The following CLMN variants were observed in gnomAD, a reference collection of about 807,000 sequenced individuals.
CLMN encodes the protein calmin.
In CLMN, 57 loss-of-function variants were observed where a neutral mutation model predicts 92.7. That is an observed-to-expected ratio of 0.61 (90% CI 0.50 to 0.77). The LOEUF (loss-of-function observed/expected upper bound fraction) is 0.77, where lower values mean the gene tolerates loss of function less well. Ranked by LOEUF, CLMN falls within the 30% of genes least tolerant of loss-of-function variation. CLMN has a pLI of 0.00. For missense variants in CLMN, 1,158 were observed against 1,237.5 expected (o/e 0.94, Z 0.96); for synonymous variants, 466 against 470.6 (o/e 0.99, Z 0.13).
intron 1 of CLMN, among the ~76,000 whole-genome samples, chr14:95,270,139 G>A (rs1032855021): frequency 6.6e-5 from 10 of 152,244 alleles, no homozygotes; most frequent in Middle Eastern, 3.4e-3. Context: ...CTCCTCCCAC[G>A]ATGTGCCATG....
At chr14:95,204,968 TA>T (rs1897006979) in intron 8 of CLMN, among the ~76,000 whole-genome samples, 1 of 152,196 alleles carries the variant, frequency 6.6e-6, no homozygotes, top group South Asian at 2.1e-4. Flanking sequence ...ATTTTCTTCA[TA>T]TACTAATTAG....
chr14:95,202,827 C>T lies in CLMN; in HGVS notation c.2511+11G>A, dbSNP rs200222218. 91 of 1,511,412 alleles carry T rather than the reference C, an allele frequency of 6.0e-5. No individual in the cohort carries two copies. In the Admixed American group the frequency reaches 8.5e-4, roughly 14 times the overall value. 93.6% of individuals were successfully genotyped at this position (1,511,412 alleles called of 1,614,324 possible). A position where few individuals can be genotyped will look rare whatever the true frequency, so the allele number is the denominator to read the frequency against. On this transcript the variant is annotated intron_variant, in intron 9 of 12. Transcript: ENST00000298912. ...CAGGACCCAGGGTTCCCAAATCCCA[C>T]GGTTGAGTACCTGATGGCTGTCCAT... is the stretch of plus-strand genomic sequence containing the variant.
rs544642723 is a variant in CLMN at position 95,249,380 on chromosome 14, C to T, written c.83-19247G>A. On this transcript the variant is annotated intron_variant, in intron 1 of 12. Transcript: ENST00000298912. ...GGAAACTGGCACAGTCCTGCCCGATCCTGGACTTTGCACCCTAGCTGCAAT... is the reference window on the plus strand; with the variant it reads ...GGAAACTGGCACAGTCCTGCCCGATTCTGGACTTTGCACCCTAGCTGCAAT... Among the ~76,000 whole-genome samples, 3 of 152,312 alleles carry T rather than the reference C, an allele frequency of 2.0e-5. No homozygotes were observed. In the South Asian group the frequency reaches 6.2e-4, roughly 32 times the overall value.
Position 95,319,819 on chromosome 14 carries a change from A to C in CLMN, c.-27T>G, listed in dbSNP as rs747102813. On this transcript the variant is annotated 5_prime_UTR_variant, in exon 1 of 13. Coordinates refer to ENST00000298912, the MANE Select transcript of CLMN (RefSeq NM_024734.4). ...AAGCGCGGGCGGGAGAGCCCGGGCC[A>C]GCGCGGCGCGGGCGGCGGGCGCGGA... The C allele has an allele frequency of 7.6e-7, 1 of 1,318,966 alleles. No homozygotes were observed. The highest frequency in any genetic ancestry group is 2.1e-5 in the South Asian group (1 of 48,724). The allele number at this position is 1,318,966 out of a possible 1,614,324, so 81.7% of individuals were successfully genotyped here. A position where few individuals can be genotyped will look rare whatever the true frequency, so the allele number is the denominator to read the frequency against.
chr14:95,257,555 T>C (rs111919456), intron 1 of CLMN, among the ~76,000 whole-genome samples: 16,882 of 152,306 alleles, frequency 0.11, 1,264 homozygotes, highest in African/African-American at 0.2. Flanking sequence ...CAAGCTTGCA[T>C]TTCTGAAGCC....
intron 1 of CLMN, among the ~76,000 whole-genome samples, chr14:95,236,271 G>A (rs925897648): frequency 3.3e-5 from 5 of 152,198 alleles, no homozygotes; most frequent in African/African-American, 4.8e-5. Flanking sequence ...GTTCTGCAGC[G>A]TCCTGGGGGC....
intron 9 of CLMN, among the ~76,000 whole-genome samples, chr14:95,198,156 T>C (rs1340796831): frequency 1.3e-5 from 2 of 151,166 alleles, no homozygotes; most frequent in Non-Finnish European, 3.0e-5. Context: ...TTTAAGTGAT[T>C]TTTCTGCCTC....
intron 1 of CLMN, among the ~76,000 whole-genome samples, chr14:95,264,012 A>ATTAC (rs1566902845): frequency 7.7e-5 from 4 of 51,728 alleles, no homozygotes; most frequent in South Asian, 5.4e-4. Flanking sequence ...TTATTACTTT[A>ATTAC]TTTATTTATT....
intron 4 of CLMN, among the ~76,000 whole-genome samples, chr14:95,219,403 G>A (rs920069224): frequency 1.3e-5 from 2 of 152,180 alleles, no homozygotes; most frequent in Admixed American, 6.5e-5. Flanking sequence ...ACACTGCTAA[G>A]AACAGCCATA....
intron 8 of CLMN, among the ~76,000 whole-genome samples, 190 bp downstream of exon 8, chr14:95,209,205 C>T (rs1343106669): frequency 2.0e-5 from 3 of 152,140 alleles, no homozygotes; most frequent in Admixed American, 6.5e-5. Context: ...CTGTATCCCC[C>T]GCATATGAGG....
At chr14:95,218,490 A>T (rs533807272) in intron 4 of CLMN, among the ~76,000 whole-genome samples, 1 of 152,320 alleles carries the variant, frequency 6.6e-6, no homozygotes, top group South Asian at 2.1e-4. Context: ...AGCAAAGAGG[A>T]CCTGGCTGCT....
Position 95,194,906 on chromosome 14 carries a change from A to G in CLMN, c.2709-310T>C, listed in dbSNP as rs1896660447. Among the ~76,000 whole-genome samples the G allele has an allele frequency of 1.3e-5, 2 of 152,230 alleles. No homozygotes were observed. The stretch of plus-strand genomic sequence containing the variant: ...AGCATTTGGAGCAGGAAGTAACCCA[A>G]GCATCCTGATGTGCTGGGACTCACC... On this transcript the variant is annotated intron_variant, in intron 10 of 12. Transcript: ENST00000298912. This position sits in a 1 kb window ranked among gnomAD's most constrained non-coding sequence, Gnocchi z 4.0.
At chr14:95,245,191 TATAA>T (rs1288760426) in intron 1 of CLMN, among the ~76,000 whole-genome samples, 998 of 38,058 alleles carry the variant, frequency 0.026, 88 homozygotes, top group African/African-American at 0.1. Flanking sequence ...TATATATATA[TATAA>T]TATATATATA....
intron 1 of CLMN, among the ~76,000 whole-genome samples, chr14:95,266,347 C>A (rs919764202): frequency 2.0e-5 from 3 of 152,124 alleles, no homozygotes; most frequent in African/African-American, 7.2e-5. Context: ...CTGATAAATT[C>A]AGTAAAGTTG....
intron 2 of CLMN, among the ~76,000 whole-genome samples, chr14:95,225,572 A>G (rs983973174): frequency 1.3e-5 from 2 of 152,220 alleles, no homozygotes; most frequent in African/African-American, 4.8e-5. Context: ...CAGAGGGTGT[A>G]TGCCTTGTGG....
intron 4 of CLMN, among the ~76,000 whole-genome samples, chr14:95,216,072 T>C (rs551879812): frequency 5.3e-4 from 80 of 152,340 alleles, no homozygotes; most frequent in African/African-American, 1.9e-3. Flanking sequence ...TACCTGAGAC[T>C]GAGTAATTTA....
intron 1 of CLMN, among the ~76,000 whole-genome samples, chr14:95,234,912 G>A (rs931619498): frequency 2.0e-5 from 3 of 152,152 alleles, no homozygotes; most frequent in African/African-American, 7.2e-5. Flanking sequence ...TTGTCTCTAT[G>A]TCCACATTTG....
intron 6 of CLMN, among the ~76,000 whole-genome samples, chr14:95,211,640 A>T (rs1897199380): frequency 7.0e-6 from 1 of 142,636 alleles, no homozygotes; most frequent in South Asian, 2.2e-4. Context: ...CGTGGTCAAT[A>T]AACGCTCTTA....
chr14:95,280,688 G>A (rs139921152), intron 1 of CLMN, among the ~76,000 whole-genome samples: 2,128 of 152,216 alleles, frequency 0.014, 23 homozygotes, highest in Non-Finnish European at 0.023. Flanking sequence ...GGCTTATTTG[G>A]TATATTAAAA....
Sources: allele counts gnomAD v4.1 joint callset (sites outside exome capture counted in the v4.1 genomes callset), GRCh38; gene constraint gnomAD v4.1.1; non-coding constraint Gnocchi (gnomAD v3.1); transcripts MANE v1.5; gene names NCBI Gene and HGNC (gene_info 2026-07-23, HGNC 2026-07-21).